SMARCA4: variants seen among roughly 807,000 people sequenced by gnomAD.
The protein encoded by SMARCA4 is SWI/SNF related BAF chromatin remodeling complex subunit ATPase 4, also known as SWI/SNF-related matrix-associated actin-dependent regulator of chromatin subfamily A member 4.
Under a neutral mutation model 193.9 loss-of-function variants are expected in SMARCA4, and 31 were observed. The observed-to-expected ratio is 0.16, with a 90% CI of 0.12 to 0.22. The LOEUF (loss-of-function observed/expected upper bound fraction) is 0.22, where lower values mean the gene tolerates loss of function less well. Ranked by LOEUF, SMARCA4 falls within the 10% of genes least tolerant of loss-of-function variation. The pLI is 1.00. For missense variants in SMARCA4, 1,148 were observed against 2,296.0 expected (o/e 0.50, Z 10.22); for synonymous variants, 942 against 933.1 (o/e 1.01, Z -0.17).
At chr19:11,028,980 C>G (rs76483582) in intron 24 of SMARCA4, among the ~76,000 whole-genome samples, 4,226 of 152,288 alleles carry the variant, frequency 0.028, 89 homozygotes, top group Non-Finnish European at 0.041. Context: ...TCACTTGGAC[C>G]TGTGTTTGCT....
intron 21 of SMARCA4, among the ~76,000 whole-genome samples, chr19:11,024,751 G>A (rs189081448): frequency 1.8e-4 from 28 of 152,116 alleles, no homozygotes; most frequent in Non-Finnish European, 3.4e-4. Flanking sequence ...GGAAGGGAGC[G>A]GGCTGTCTCC....
In SMARCA4 at chr19:11,031,039, A is replaced by G. The variant is rs145409744; in HGVS notation, c.3546+146A>G. Reference sequence around the variant, plus strand: ...CGGGAGGAGCTGCACCCATATCTCCATAGGTCATCAGGGAGAAAAGAGGCG... The same window carrying G: ...CGGGAGGAGCTGCACCCATATCTCCGTAGGTCATCAGGGAGAAAAGAGGCG... On this transcript the variant is annotated intron_variant, in intron 25 of 34. Coordinates refer to ENST00000344626, the MANE Select transcript of SMARCA4 (RefSeq NM_003072.5). This position sits in a 1 kb window ranked among gnomAD's most constrained non-coding sequence, Gnocchi z 4.3. 4.2e-4 allele frequency: 316 copies of G among 748,734 alleles called. 1 individual carries two copies. The African/African-American group carries it at 4.5e-3, about 11-fold the overall frequency. The allele number at this position is 748,734 out of a possible 1,614,324, so 46.4% of individuals were successfully genotyped here.
At chr19:11,036,283 C>A (rs972157143) in intron 29 of SMARCA4, among the ~76,000 whole-genome samples, 2 of 152,174 alleles carry the variant, frequency 1.3e-5, no homozygotes, top group Non-Finnish European at 2.9e-5. Context: ...TGTCACCGGC[C>A]CTGCATTTTT....
At chr19:10,999,431 A>AGGCCAATATG (rs1203358481) in intron 11 of SMARCA4, among the ~76,000 whole-genome samples, 1 of 151,594 alleles carries the variant, frequency 6.6e-6, no homozygotes, top group Middle Eastern at 3.4e-3. Flanking sequence ...CCAATATGGG[A>AGGCCAATATG]GGACTACTTG....
At position 10,984,240 on chromosome 19, in the gene SMARCA4, C is replaced by A. The variant is rs2145722893; in HGVS notation, c.89C>A (p.Pro30His). The change falls in exon 2 of 35, where the codon CCT becomes CAT. Residue 30 changes from proline to histidine, a missense_variant. Physicochemically the swap from Pro to His is moderately conservative, Grantham distance 77 (BLOSUM62 -2). Coordinates refer to ENST00000344626, the MANE Select transcript of SMARCA4 (RefSeq NM_003072.5). This position sits in a 1 kb window ranked among gnomAD's most constrained non-coding sequence, Gnocchi z 4.3. Reference sequence around the variant, plus strand: ...CCTTCCCCTGGAGCCATGCTGGGCCCTAGCCCGGGTCCCTCGCCGGGCTCC... The same window carrying A: ...CCTTCCCCTGGAGCCATGCTGGGCCATAGCCCGGGTCCCTCGCCGGGCTCC... ...PGPSPGAMLG[P>H]SPGPSPGSAH... 6.2e-7 allele frequency: 1 copy of A among 1,612,758 alleles called. No individual in the cohort carries two copies. The highest frequency in any genetic ancestry group is 1.1e-5 in the South Asian group (1 of 91,038).
At chr19:10,973,109 C>CAAA (rs147266435) in intron 1 of SMARCA4, among the ~76,000 whole-genome samples, 1 of 92,200 alleles carries the variant, frequency 1.1e-5, no homozygotes, top group Non-Finnish European at 2.3e-5. Context: ...AGTCCATCTA[C>CAAA]AAAAAAAAAA....
Position 11,033,906 on chromosome 19 carries a change from G to A in SMARCA4, c.3873+41G>A, listed in dbSNP as rs745951794. 19 of 767,556 alleles carry A rather than the reference G, an allele frequency of 2.5e-5. No individual in the cohort carries two copies. Among genetic ancestry groups the A allele is most frequent in the Non-Finnish European group, 4.8e-6 (2 of 415,152 alleles). The allele number at this position is 767,556 out of a possible 1,614,324, so 47.5% of individuals were successfully genotyped here. A position where few individuals can be genotyped will look rare whatever the true frequency, so the allele number is the denominator to read the frequency against. ...CAGTCTCCATGCCCATTCAATCCTCGGCTTCTCGGCTGAGACGGCCAGCAA... is the reference window on the plus strand; with the variant it reads ...CAGTCTCCATGCCCATTCAATCCTCAGCTTCTCGGCTGAGACGGCCAGCAA... On this transcript the variant is annotated intron_variant, in intron 27 of 34. Transcript: ENST00000344626. The surrounding 1 kb of genome is among the most constrained non-coding windows in gnomAD (Gnocchi z 9.8).
rs762148337 is a variant in SMARCA4, at chr19:11,009,007, C to CTTTTTTTTTTT, written c.2123+1008_2123+1018dup. 2.5e-3 allele frequency among the ~76,000 whole-genome samples: 102 copies of CTTTTTTTTTTT among 40,956 alleles called. 21 individuals are homozygous for CTTTTTTTTTTT. The highest frequency in any genetic ancestry group is 3.4e-3 in the Admixed American group (7 of 2,040). 26.9% of individuals were successfully genotyped at this position (40,956 alleles called of 152,430 possible). ...AAAAAATGTAGGTGGATAAAAGTCACTTTTTTTTTTTTTTTTTTTTTTTTT... is the reference window on the plus strand; with the variant it reads ...AAAAAATGTAGGTGGATAAAAGTCACTTTTTTTTTTTTTTTTTTTTTTTTTTTTTTTTTTTT... On this transcript the variant is annotated intron_variant, in intron 14 of 34. Coordinates refer to ENST00000344626, the MANE Select transcript of SMARCA4 (RefSeq NM_003072.5).
In SMARCA4 at chr19:11,008,041, A is replaced by C; in HGVS notation, c.2123+18A>C. ...ATCATTGAGTAAGGGGTCCCGACAC[A>C]GGTTGTTCTGTGCCAGCTTCCTGTG... On this transcript the variant is annotated intron_variant, in intron 14 of 34. Transcript: ENST00000344626. 1.9e-6 allele frequency: 3 copies of C among 1,610,450 alleles called. No individual in the cohort carries two copies. Among genetic ancestry groups the C allele is most frequent in the South Asian group, 2.2e-5 (2 of 90,606 alleles).
intron 9 of SMARCA4, 112 bp from the exon 10 acceptor site, chr19:10,996,101 C>A: frequency 9.6e-7 from 1 of 1,043,476 alleles, no homozygotes; most frequent in Non-Finnish European, 1.5e-6. Flanking sequence ...GGTGGCACGG[C>A]ACCCGCGTGA....
chr19:10,961,923 G>T (rs551093019), intron 1 of SMARCA4, among the ~76,000 whole-genome samples: 2 of 150,816 alleles, frequency 1.3e-5, no homozygotes, highest in East Asian at 3.9e-4. Context: ...TTTTCAACGT[G>T]GACCTTTTGG....
In SMARCA4 at chr19:11,059,809, C is replaced by A. The variant is rs746415437; in HGVS notation, c.4692C>A (p.Ile1564=). ...QSVFTSVRQK[I]EKEDDSEGEE... is the part of the protein sequence containing the mutation. ...TCTTCACCAGCGTGCGGCAGAAAATCGAGAAGGAGGATGACAGTGAAGGCG... is the reference window on the plus strand; with the variant it reads ...TCTTCACCAGCGTGCGGCAGAAAATAGAGAAGGAGGATGACAGTGAAGGCG... The change falls in exon 33 of 35, where the codon ATC becomes ATA. Residue 1564 remains isoleucine (I), a synonymous_variant. Coordinates refer to ENST00000344626, the MANE Select transcript of SMARCA4 (RefSeq NM_003072.5). The A allele has an allele frequency of 6.2e-7, 1 of 1,611,316 alleles. No homozygotes were observed.
chr19:10,998,260 G>T (rs1032997546), intron 11 of SMARCA4, among the ~76,000 whole-genome samples: 2 of 152,168 alleles, frequency 1.3e-5, no homozygotes, highest in Non-Finnish European at 2.9e-5. Context: ...GTTGGGTTAT[G>T]TGTCTCTGGC....
chr19:10,987,220 C>T lies in SMARCA4; in HGVS notation c.859+217C>T, dbSNP rs551271917. Among the ~76,000 whole-genome samples the T allele has an allele frequency of 1.3e-5, 2 of 152,346 alleles. No individual in the cohort carries two copies. The highest frequency in any genetic ancestry group is 3.9e-4 in the East Asian group (2 of 5,180). On this transcript the variant is annotated intron_variant, in intron 5 of 34. Coordinates refer to ENST00000344626, the MANE Select transcript of SMARCA4 (RefSeq NM_003072.5). This position sits in a 1 kb window ranked among gnomAD's most constrained non-coding sequence, Gnocchi z 5.3. ...CCTCTGACAGCTTGTGGCCTTCACC[C>T]AGTCCCTGAGCCCTGTATATGTAAT...
intron 13 of SMARCA4, among the ~76,000 whole-genome samples, chr19:11,005,418 T>G (rs1180738553): frequency 1.3e-5 from 2 of 152,234 alleles, no homozygotes; most frequent in South Asian, 4.1e-4. Flanking sequence ...ATCCAAAGAT[T>G]GGCCACAGTT....
intron 30 of SMARCA4, among the ~76,000 whole-genome samples, chr19:11,048,184 T>C (rs965727806): frequency 6.6e-6 from 1 of 152,082 alleles, no homozygotes; most frequent in Admixed American, 6.6e-5. Flanking sequence ...TTTGAATTGC[T>C]CCTTTCCAAG....
At position 10,987,734 on chromosome 19, in the gene SMARCA4, C is replaced by T. The variant is rs1555754899; in HGVS notation, c.928C>T (p.Arg310Cys). 2 of 1,606,198 alleles carry T rather than the reference C, an allele frequency of 1.2e-6. No homozygotes were observed. Among genetic ancestry groups the T allele is most frequent in the Non-Finnish European group, 1.7e-6 (2 of 1,175,950 alleles). Reference sequence around the variant, plus strand: ...GCTGATTCCCCCGCAGCCAACGGGCCGCCCTTCCCCCGCGCCCCCTGCCGT... The same window carrying T: ...GCTGATTCCCCCGCAGCCAACGGGCTGCCCTTCCCCCGCGCCCCCTGCCGT... ...QKLIPPQPTG[R>C]PSPAPPAVPP... The change falls in exon 6 of 35, where the codon CGC (arginine) becomes TGC (cysteine). Residue 310 changes from arginine to cysteine, a missense_variant. By Grantham distance (180) the Arg-to-Cys change is radical. This residue lies in a region of SMARCA4 where 257 missense variants were observed against 276.5 expected (regional missense o/e 0.93). Transcript: ENST00000344626. This position sits in a 1 kb window ranked among gnomAD's most constrained non-coding sequence, Gnocchi z 5.3.
Position 11,058,234 on chromosome 19 carries a change from G to A in SMARCA4, c.4425-21G>A, listed in dbSNP as rs2147083636. ...CGGGTGGGCGGACTCGGGGGTGATA[G>A]CCGCCGGTTCTGCCTTGCAGCAGCA... On this transcript the variant is annotated intron_variant, in intron 30 of 34. Coordinates refer to ENST00000344626, the MANE Select transcript of SMARCA4 (RefSeq NM_003072.5). The surrounding 1 kb of genome is among the most constrained non-coding windows in gnomAD (Gnocchi z 5.8). 4 of 1,583,878 alleles carry A rather than the reference G, an allele frequency of 2.5e-6. No homozygotes were observed. Among genetic ancestry groups the A allele is most frequent in the Non-Finnish European group, 3.5e-6 (4 of 1,157,006 alleles).
At chr19:10,968,267 C>T (rs1445975153) in intron 1 of SMARCA4, among the ~76,000 whole-genome samples, 1 of 152,212 alleles carries the variant, frequency 6.6e-6, no homozygotes, top group Admixed American at 6.5e-5. Context: ...AGATTACAGG[C>T]ATGAGCCACC....
Sources: gnomAD v4.1 joint callset for allele counts (sites outside exome capture counted in the v4.1 genomes callset) on GRCh38, gnomAD v4.1.1 for gene constraint, gnomAD v4.1.1 regional missense constraint, Gnocchi (gnomAD v3.1) non-coding constraint, MANE v1.5 for transcripts, NCBI Gene and HGNC (gene_info 2026-07-23, HGNC 2026-07-21) for gene names.